The following ZBTB20 variants were observed in gnomAD, a reference collection of about 807,000 sequenced individuals.
ZBTB20 encodes zinc finger and BTB domain containing 20.
A neutral mutation model predicts 56.9 loss-of-function variants in ZBTB20; 9 were observed. The ratio of observed to expected loss-of-function variants is 0.16; its 90% CI spans 0.10 to 0.28. The LOEUF (loss-of-function observed/expected upper bound fraction) is 0.28. Among genes scored for constraint, ZBTB20 ranks in the 10% least tolerant of loss-of-function variants. The probability of loss-of-function intolerance (pLI) is 1.00; values close to 1 mark genes in which losing one functional copy is unlikely to be tolerated. For synonymous variants in ZBTB20, 417 were observed against 420.7 expected, an observed-to-expected ratio of 0.99 and a Z score of 0.11; for missense variants, 655 against 1,003.0, an observed-to-expected ratio of 0.65 and a Z score of 4.69.
intron 3 of ZBTB20, among the ~76,000 whole-genome samples, chr3:114,955,465 G>T (rs1027427561): frequency 1.8e-4 from 28 of 152,144 alleles, no homozygotes; most frequent in Non-Finnish European, 3.4e-4. Flanking sequence ...CAGGTCTTCT[G>T]ATCTTGCTTT....
At chr3:114,734,784 A>C (rs2066015476) in intron 5 of ZBTB20, among the ~76,000 whole-genome samples, 1 of 152,186 alleles carries the variant, frequency 6.6e-6, no homozygotes, top group South Asian at 2.1e-4. Flanking sequence ...GTTCAGGGTC[A>C]TGAGTGGATG....
rs2090682917 is a variant in ZBTB20 at position 114,438,439 on chromosome 3, A to AAC, written c.-254-49335_-254-49334insGT. Reference sequence around the variant, plus strand: ...GCCAAAAAAAAACAAAAAAAACCAAAAAAAAACAAAACAAAACTTGGCTGA... The same window carrying AAC: ...GCCAAAAAAAAACAAAAAAAACCAAAACAAAAAACAAAACAAAACTTGGCTGA... On this transcript the variant is annotated intron_variant, in intron 7 of 11. Transcript: ENST00000675478. 1.3e-5 allele frequency among the ~76,000 whole-genome samples: 2 copies of AAC among 151,718 alleles called. 1 individual carries two copies. Among genetic ancestry groups the AAC allele is most frequent in the South Asian group, 4.2e-4 (2 of 4,794 alleles).
intron 6 of ZBTB20, among the ~76,000 whole-genome samples, chr3:114,646,169 G>A (rs1362553378): frequency 1.3e-5 from 2 of 151,298 alleles, no homozygotes; most frequent in Non-Finnish European, 2.9e-5. Context: ...GTGAAAAGCA[G>A]CTAAATGGGA....
intron 4 of ZBTB20, among the ~76,000 whole-genome samples, chr3:114,888,094 TA>T (rs1386967202): frequency 3.9e-3 from 544 of 138,560 alleles, no homozygotes; most frequent in Non-Finnish European, 3.7e-3. Flanking sequence ...AATTGGTCAT[TA>T]AAAAAAAAAA....
intron 10 of ZBTB20, among the ~76,000 whole-genome samples, chr3:114,378,510 G>T (rs1560165572): frequency 6.6e-6 from 1 of 152,234 alleles, no homozygotes; most frequent in Non-Finnish European, 1.5e-5. Flanking sequence ...CCAATGCTAA[G>T]GCCTGGCCAG....
At chr3:114,932,773 C>A (rs1284324932) in intron 3 of ZBTB20, among the ~76,000 whole-genome samples, 1 of 152,096 alleles carries the variant, frequency 6.6e-6, no homozygotes, top group East Asian at 1.9e-4. Flanking sequence ...GCAAAGATAA[C>A]CATCAATAGT....
At chr3:114,592,667 C>T (rs980158429) in intron 6 of ZBTB20, among the ~76,000 whole-genome samples, 1 of 152,150 alleles carries the variant, frequency 6.6e-6, no homozygotes, top group Non-Finnish European at 1.5e-5. Flanking sequence ...TTTTAAATTT[C>T]GTTGAATACA....
chr3:114,438,436 C>CAAAAAAAAAAAAAA (rs10689914), intron 7 of ZBTB20, among the ~76,000 whole-genome samples: 1 of 140,682 alleles, frequency 7.1e-6, no homozygotes, highest in Non-Finnish European at 1.6e-5. Context: ...CAAAAAAAAC[C>CAAAAAAAAAAAAAA]AAAAAAAAAC....
intron 6 of ZBTB20, among the ~76,000 whole-genome samples, chr3:114,675,621 A>T (rs1420077894): frequency 6.6e-6 from 1 of 152,200 alleles, no homozygotes; most frequent in Non-Finnish European, 1.5e-5. Flanking sequence ...AGGCTACCAC[A>T]CATATTCTGT....
At chr3:114,755,885 T>C (rs1311407391) in intron 5 of ZBTB20, among the ~76,000 whole-genome samples, 2 of 152,184 alleles carry the variant, frequency 1.3e-5, no homozygotes, top group Non-Finnish European at 2.9e-5. Flanking sequence ...ATGAAAATTA[T>C]TTTCTTATGC....
At chr3:114,945,756 T>C (rs897873888) in intron 3 of ZBTB20, among the ~76,000 whole-genome samples, 2 of 145,274 alleles carry the variant, frequency 1.4e-5, no homozygotes, top group Admixed American at 1.3e-4. Context: ...AGACTTTGAA[T>C]TAAAAATCAC....
intron 6 of ZBTB20, among the ~76,000 whole-genome samples, chr3:114,630,724 C>T (rs546256835): frequency 6.6e-6 from 1 of 152,328 alleles, no homozygotes; most frequent in African/African-American, 2.4e-5. Context: ...ACCTTCTCTA[C>T]TGACAAAGCA....
In ZBTB20 at chr3:114,845,809, T is replaced by C. The variant is rs374873838; in HGVS notation, c.-416-44635A>G. The stretch of plus-strand genomic sequence containing the variant: ...TCTATTATATACAACAAATACATTC[T>C]TATATTATGCGAAACACTAAATTGG... On this transcript the variant is annotated intron_variant, in intron 4 of 11. Coordinates refer to ENST00000675478, the MANE Select transcript of ZBTB20 (RefSeq NM_001348800.3). Among the ~76,000 whole-genome samples, 537 of 152,346 alleles carry C rather than the reference T, an allele frequency of 3.5e-3. 1 individual carries two copies. Among genetic ancestry groups the C allele is most frequent in the South Asian group, 0.016 (75 of 4,828 alleles).
intron 6 of ZBTB20, among the ~76,000 whole-genome samples, chr3:114,659,209 C>T (rs1175919022): frequency 6.6e-6 from 1 of 152,178 alleles, no homozygotes; most frequent in Non-Finnish European, 1.5e-5. Flanking sequence ...TGGCAGTGTT[C>T]CTGAAGATCA....
intron 7 of ZBTB20, among the ~76,000 whole-genome samples, chr3:114,429,450 T>G (rs940835805): frequency 3.5e-4 from 54 of 152,130 alleles, no homozygotes; most frequent in African/African-American, 1.3e-3. Flanking sequence ...ATTTGGATGT[T>G]TTTTTCCCTT....
At chr3:114,366,510 G>A (rs2082417417) in intron 10 of ZBTB20, among the ~76,000 whole-genome samples, 1 of 152,168 alleles carries the variant, frequency 6.6e-6, no homozygotes, top group Non-Finnish European at 1.5e-5. Context: ...CCATCAACAT[G>A]TGATTTAAGG....
At chr3:115,080,985 T>C (rs1167520323) in intron 1 of ZBTB20, among the ~76,000 whole-genome samples, 5 of 152,144 alleles carry the variant, frequency 3.3e-5, no homozygotes, top group African/African-American at 1.2e-4. Flanking sequence ...AATAGAAGAA[T>C]ATAGAAATAC....
At chr3:114,663,640 ACCCAT>A (rs2060879643) in intron 6 of ZBTB20, among the ~76,000 whole-genome samples, 2 of 151,440 alleles carry the variant, frequency 1.3e-5, no homozygotes, top group Admixed American at 6.6e-5. Flanking sequence ...TATTCAGGAA[ACCCAT>A]CTCACGTGCA....
chr3:114,790,413 G>A (rs1415855747), intron 5 of ZBTB20, among the ~76,000 whole-genome samples: 3 of 151,770 alleles, frequency 2.0e-5, no homozygotes, highest in East Asian at 1.9e-4. Context: ...ATAAACATAC[G>A]CAACATATTT....
Sources: allele counts gnomAD v4.1 joint callset (sites outside exome capture counted in the v4.1 genomes callset), GRCh38; gene constraint gnomAD v4.1.1; transcripts MANE v1.5; gene names NCBI Gene and HGNC (gene_info 2026-07-23, HGNC 2026-07-21).